Variants in FMN1 observed in about 807,000 individuals in gnomAD.
FMN1 encodes the protein formin-1.
In FMN1, 110 loss-of-function variants were observed where a neutral mutation model predicts 132.4. The observed-to-expected ratio is 0.83, with a 90% CI of 0.71 to 0.97. FMN1 has a LOEUF of 0.97. Ranked by LOEUF, FMN1 falls within the 50% of genes least tolerant of loss-of-function variation. FMN1 has a pLI of 0.00. For synonymous variants in FMN1, 722 were observed against 651.7 expected (o/e 1.11, Z -1.64); for missense variants, 1,792 against 1,705.3 (o/e 1.05, Z -0.90).
At chr15:32,900,491 A>G (rs1339837146) in intron 13 of FMN1, among the ~76,000 whole-genome samples, 1 of 152,258 alleles carries the variant, frequency 6.6e-6, no homozygotes, top group Non-Finnish European at 1.5e-5. Flanking sequence ...ACTTCTAGGT[A>G]GAAAGGGGTT....
chr15:32,886,354 T>C (rs1222496035), intron 16 of FMN1, among the ~76,000 whole-genome samples: 1 of 152,174 alleles, frequency 6.6e-6, no homozygotes, highest in Non-Finnish European at 1.5e-5. Context: ...CAATGTTCAG[T>C]TTTCTTTCCT....
At chr15:33,090,484 G>A (rs1259761262) in intron 4 of FMN1, among the ~76,000 whole-genome samples, 2 of 152,110 alleles carry the variant, frequency 1.3e-5, no homozygotes, top group Non-Finnish European at 1.5e-5. Context: ...TGTGTCTATA[G>A]TTGCCCTCTA....
chr15:32,892,506 G>A (rs77100292), intron 15 of FMN1, among the ~76,000 whole-genome samples: 142 of 152,204 alleles, frequency 9.3e-4, no homozygotes, highest in African/African-American at 3.3e-3. Context: ...CAAGGATATC[G>A]GTCTGTAGTT....
At chr15:32,804,599 G>T (rs955979359) in intron 17 of FMN1, among the ~76,000 whole-genome samples, 1 of 151,322 alleles carries the variant, frequency 6.6e-6, no homozygotes. Flanking sequence ...GTGCCATGTT[G>T]GTTTGCTGCA....
At chr15:32,951,390 C>T (rs1259830255) in intron 9 of FMN1, among the ~76,000 whole-genome samples, 1 of 151,652 alleles carries the variant, frequency 6.6e-6, no homozygotes, top group Non-Finnish European at 1.5e-5. Flanking sequence ...GGCTAAAATT[C>T]ATTTGCTTTA....
intron 18 of FMN1, among the ~76,000 whole-genome samples, chr15:32,802,188 G>A (rs2057503322): frequency 6.6e-6 from 1 of 152,130 alleles, no homozygotes. Flanking sequence ...ACTAGTCCCT[G>A]ACCCCTTTTC....
At chr15:33,185,959 C>T (rs540500080) in intron 2 of FMN1, among the ~76,000 whole-genome samples, 1 of 152,194 alleles carries the variant, frequency 6.6e-6, no homozygotes, top group Admixed American at 6.5e-5. Context: ...TTCTAGTCTA[C>T]AAGTTAATAA....
chr15:32,942,013 AC>A (rs1430040428), intron 9 of FMN1, among the ~76,000 whole-genome samples: 2 of 152,110 alleles, frequency 1.3e-5, no homozygotes, highest in African/African-American at 2.4e-5. Context: ...CTACAAGCTG[AC>A]CTTGTGCAGG....
intron 19 of FMN1, among the ~76,000 whole-genome samples, chr15:32,789,287 A>C (rs779451080): frequency 6.6e-6 from 1 of 152,240 alleles, no homozygotes; most frequent in Non-Finnish European, 1.5e-5. Context: ...AGATACAGTA[A>C]ACCCCCAAAA....
intron 10 of FMN1, among the ~76,000 whole-genome samples, chr15:32,916,346 A>T (rs767855105): frequency 3.9e-5 from 6 of 152,216 alleles, no homozygotes; most frequent in Non-Finnish European, 7.3e-5. Flanking sequence ...ATGCCCATAT[A>T]AACAAAGAAT....
intron 13 of FMN1, among the ~76,000 whole-genome samples, chr15:32,901,224 C>G (rs2060288115): frequency 6.6e-6 from 1 of 152,102 alleles, no homozygotes; most frequent in African/African-American, 2.4e-5. Context: ...CTGCTCCTGC[C>G]TTTCAGGTAT....
At chr15:32,780,972 C>T (rs1420776219) in intron 19 of FMN1, among the ~76,000 whole-genome samples, 2 of 152,128 alleles carry the variant, frequency 1.3e-5, no homozygotes, top group Non-Finnish European at 2.9e-5. Flanking sequence ...TCAATAATTT[C>T]ATGATAGAGG....
intron 6 of FMN1, among the ~76,000 whole-genome samples, chr15:33,026,668 G>C (rs2035692694): frequency 6.6e-6 from 1 of 152,160 alleles, no homozygotes; most frequent in East Asian, 1.9e-4. Flanking sequence ...CTTTGACTCA[G>C]TAACTGACAG....
At chr15:32,817,239 T>A (rs2058084821) in intron 17 of FMN1, among the ~76,000 whole-genome samples, 1 of 152,202 alleles carries the variant, frequency 6.6e-6, no homozygotes. Context: ...CTGTAAATAA[T>A]CATGAAATAG....
chr15:33,006,617 G>A (rs186502487), intron 7 of FMN1, among the ~76,000 whole-genome samples: 7 of 152,212 alleles, frequency 4.6e-5, no homozygotes, highest in Admixed American at 2.6e-4. Flanking sequence ...ATTCACAAAA[G>A]CCAAGATATG....
intron 6 of FMN1, among the ~76,000 whole-genome samples, chr15:33,047,798 T>C (rs1011112121): frequency 1.3e-5 from 2 of 152,170 alleles, no homozygotes; most frequent in Non-Finnish European, 2.9e-5. Flanking sequence ...TGCCTGCTTA[T>C]TATATTAGGC....
chr15:33,128,307 T>C (rs889597075), intron 4 of FMN1, among the ~76,000 whole-genome samples: 3 of 152,226 alleles, frequency 2.0e-5, no homozygotes, highest in Non-Finnish European at 2.9e-5. Flanking sequence ...GGCTGCTGAC[T>C]AGGCCCGACC....
chr15:32,963,171 T>C (rs976563023), intron 9 of FMN1, among the ~76,000 whole-genome samples: 10 of 150,864 alleles, frequency 6.6e-5, no homozygotes, highest in African/African-American at 2.0e-4. Flanking sequence ...CCATAAAAAA[T>C]GATGAGTTCA....
chr15:32,886,410 C>T (rs146509191), intron 16 of FMN1, among the ~76,000 whole-genome samples: 131 of 152,274 alleles, frequency 8.6e-4, no homozygotes, highest in African/African-American at 2.5e-3. Flanking sequence ...TTCCTAAAAT[C>T]GGCTGAGGAA....
Sources: gnomAD v4.1 joint callset for allele counts (sites outside exome capture counted in the v4.1 genomes callset) on GRCh38, gnomAD v4.1.1 for gene constraint, MANE v1.5 for transcripts, NCBI Gene and HGNC (gene_info 2026-07-23, HGNC 2026-07-21) for gene names.